CALCR: variants seen among roughly 807,000 people sequenced by gnomAD.
CALCR encodes calcitonin receptor.
A neutral mutation model predicts 59.5 loss-of-function variants in CALCR; 47 were observed. The ratio of observed to expected loss-of-function variants is 0.79; its 90% CI spans 0.63 to 1.01. The LOEUF (loss-of-function observed/expected upper bound fraction) is 1.01, where lower values mean the gene tolerates loss of function less well. Among genes scored for constraint, CALCR ranks in the 50% least tolerant of loss-of-function variants. The pLI, the probability that CALCR is intolerant of heterozygous loss-of-function variation, is 0.00. For synonymous variants in CALCR, 213 were observed against 211.3 expected (o/e 1.01, Z -0.07); for missense variants, 566 against 597.1 (o/e 0.95, Z 0.54).
chr7:93,512,389 C>T (rs541969899), intron 2 of CALCR, among the ~76,000 whole-genome samples: 1 of 152,234 alleles, frequency 6.6e-6, no homozygotes, highest in African/African-American at 2.4e-5. Context: ...AATTCAAACC[C>T]AAGTCTTTCT....
intron 13 of CALCR, among the ~76,000 whole-genome samples, chr7:93,431,461 C>T (rs76364558): frequency 1.6e-3 from 240 of 152,234 alleles, no homozygotes; most frequent in Admixed American, 3.7e-3. Flanking sequence ...GCGGAAAGAA[C>T]TTGTGAATCA....
chr7:93,563,991 CTA>C (rs1276312803), intron 2 of CALCR, among the ~76,000 whole-genome samples: 1 of 152,078 alleles, frequency 6.6e-6, no homozygotes, highest in East Asian at 1.9e-4. Context: ...ATAGTAAGTA[CTA>C]TGTGTTAGCT....
chr7:93,496,115 C>A, intron 2 of CALCR: 1 of 551,312 alleles, frequency 1.8e-6, no homozygotes, highest in Non-Finnish European at 3.1e-6. Flanking sequence ...ATGTCAATGT[C>A]TGAAAATAAT....
At chr7:93,487,334 C>G (rs1231958168) in intron 2 of CALCR, among the ~76,000 whole-genome samples, 2 of 151,438 alleles carry the variant, frequency 1.3e-5, no homozygotes, top group Non-Finnish European at 3.0e-5. Context: ...ATTGATAGAG[C>G]TGCTGAAAAT....
intron 2 of CALCR, among the ~76,000 whole-genome samples, chr7:93,542,640 T>C (rs1789174185): frequency 6.6e-6 from 1 of 152,162 alleles, no homozygotes; most frequent in South Asian, 2.1e-4. Flanking sequence ...TCTTTTGAAC[T>C]TTTTGGCTCT....
At chr7:93,494,860 G>A (rs745829126) in intron 2 of CALCR, among the ~76,000 whole-genome samples, 1 of 151,390 alleles carries the variant, frequency 6.6e-6, no homozygotes, top group Non-Finnish European at 1.5e-5. Context: ...TTAGAAGGAA[G>A]AAAAGAATGG....
intron 2 of CALCR, among the ~76,000 whole-genome samples, chr7:93,494,578 C>G (rs1801157276): frequency 6.6e-6 from 1 of 151,346 alleles, no homozygotes; most frequent in Non-Finnish European, 1.5e-5. Context: ...ATAACAAATG[C>G]CTCATGCCCA....
At chr7:93,428,292 G>A (rs1309233382) in intron 13 of CALCR, among the ~76,000 whole-genome samples, 2 of 152,192 alleles carry the variant, frequency 1.3e-5, no homozygotes, top group Admixed American at 6.5e-5. Flanking sequence ...TTCACTTTAT[G>A]GATGGGGCAC....
At chr7:93,509,004 A>G (rs1024719037) in intron 2 of CALCR, among the ~76,000 whole-genome samples, 1 of 151,996 alleles carries the variant, frequency 6.6e-6, no homozygotes, top group African/African-American at 2.4e-5. Context: ...ATTCTATCTC[A>G]TCTCATGTGA....
intron 2 of CALCR, among the ~76,000 whole-genome samples, chr7:93,563,041 T>C (rs1789783257): frequency 1.3e-5 from 2 of 152,120 alleles, no homozygotes; most frequent in Non-Finnish European, 2.9e-5. Context: ...TAAAAGTCAC[T>C]TGCAAAAGGC....
intron 2 of CALCR, among the ~76,000 whole-genome samples, chr7:93,520,615 T>C (rs1314778399): frequency 2.6e-5 from 4 of 152,144 alleles, no homozygotes; most frequent in African/African-American, 9.7e-5. Context: ...TAATTCCATG[T>C]ACAGCTATAA....
intron 2 of CALCR, among the ~76,000 whole-genome samples, chr7:93,492,833 A>G (rs1284516846): frequency 6.6e-6 from 1 of 151,378 alleles, no homozygotes; most frequent in Non-Finnish European, 1.5e-5. Flanking sequence ...ATAAAATTTG[A>G]AAACCTGAAT....
chr7:93,485,847 T>C (rs1401771286), intron 3 of CALCR, among the ~76,000 whole-genome samples: 2 of 151,682 alleles, frequency 1.3e-5, no homozygotes, highest in Admixed American at 1.3e-4. Context: ...AAATAAGTTA[T>C]ACTCATTATC....
At chr7:93,536,552 T>C (rs528008411) in intron 2 of CALCR, among the ~76,000 whole-genome samples, 85 of 151,954 alleles carry the variant, frequency 5.6e-4, no homozygotes, top group African/African-American at 2.0e-3. Context: ...TTTTTAATTT[T>C]ATCATTATTA....
intron 2 of CALCR, among the ~76,000 whole-genome samples, chr7:93,531,396 T>G (rs1788833199): frequency 6.6e-6 from 1 of 152,076 alleles, no homozygotes; most frequent in African/African-American, 2.4e-5. Context: ...ACCTTTGGTT[T>G]CTCATATGTC....
chr7:93,458,265 G>T (rs1800248177), intron 8 of CALCR, among the ~76,000 whole-genome samples: 1 of 151,994 alleles, frequency 6.6e-6, no homozygotes, highest in Non-Finnish European at 1.5e-5. Flanking sequence ...GCTTTCCCAC[G>T]CCACGCCACT....
chr7:93,553,482 C>CTTTT (rs35990717), intron 2 of CALCR, among the ~76,000 whole-genome samples: 9 of 148,252 alleles, frequency 6.1e-5, no homozygotes, highest in South Asian at 2.2e-4. Context: ...AAAACTTACC[C>CTTTT]TTTTTTTTTT....
chr7:93,550,642 A>ACACAT (rs1789431752), intron 2 of CALCR, among the ~76,000 whole-genome samples: 1 of 62,514 alleles, frequency 1.6e-5, no homozygotes, highest in Non-Finnish European at 3.8e-5. Context: ...CACACACACG[A>ACACAT]GAGACAGAGT....
intron 13 of CALCR, among the ~76,000 whole-genome samples, chr7:93,430,994 C>T (rs964859862): frequency 3.3e-5 from 5 of 152,136 alleles, no homozygotes; most frequent in Non-Finnish European, 1.5e-5. Context: ...CTTCTCTTTG[C>T]ATATGTTGTG....
Sources: gnomAD v4.1 joint callset for allele counts (sites outside exome capture counted in the v4.1 genomes callset) on GRCh38, gnomAD v4.1.1 for gene constraint, MANE v1.5 for transcripts, NCBI Gene and HGNC (gene_info 2026-07-23, HGNC 2026-07-21) for gene names.